GSN: variants seen among roughly 807,000 people sequenced by gnomAD.
GSN encodes the protein actin-depolymerizing factor.
Under a neutral mutation model 85.7 loss-of-function variants are expected in GSN, and 56 were observed. The ratio of observed to expected loss-of-function variants is 0.65; its 90% CI spans 0.53 to 0.82. The LOEUF is 0.82. Ranked by LOEUF, GSN falls within the 40% of genes least tolerant of loss-of-function variation. The pLI is 0.00. For synonymous variants in GSN, 373 were observed against 399.1 expected (o/e 0.93, Z 0.78); for missense variants, 857 against 979.8 (o/e 0.87, Z 1.67).
intron 1 of GSN, among the ~76,000 whole-genome samples, chr9:121,270,775 A>T (rs183909579): frequency 1.3e-5 from 2 of 152,212 alleles, no homozygotes; most frequent in South Asian, 2.1e-4. Context: ...ACTCCATGTG[A>T]ATAGTTTGGG....
chr9:121,285,618 G>T, intron 2 of GSN: 1 of 155,176 alleles, frequency 6.4e-6, no homozygotes. Flanking sequence ...GGGGCCCAGA[G>T]AGGAACAGTG....
chr9:121,233,624 G>A (rs1044736636), intron 5 of GSN, among the ~76,000 whole-genome samples: 4 of 152,074 alleles, frequency 2.6e-5, no homozygotes, highest in African/African-American at 4.8e-5. Flanking sequence ...CTGCAACCTC[G>A]TAAGAGACTC....
intron 4 of GSN, among the ~76,000 whole-genome samples, chr9:121,229,626 C>T (rs1232755760): frequency 1.3e-5 from 2 of 152,230 alleles, no homozygotes; most frequent in Admixed American, 6.5e-5. Flanking sequence ...AAATGCTATT[C>T]AGGTGATTCT....
chr9:121,231,000 C>A (rs893206967), intron 4 of GSN, among the ~76,000 whole-genome samples: 2 of 152,176 alleles, frequency 1.3e-5, no homozygotes, highest in Non-Finnish European at 2.9e-5. Flanking sequence ...TTCATGAGCA[C>A]CTACTACGTG....
intron 6 of GSN, among the ~76,000 whole-genome samples, chr9:121,259,484 G>T (rs1441169050): frequency 6.6e-6 from 1 of 152,184 alleles, no homozygotes; most frequent in African/African-American, 2.4e-5. Flanking sequence ...ATTAGGACAC[G>T]CAGTCCCAAG....
chr9:121,221,900 G>C (rs2054176823), intron 4 of GSN, among the ~76,000 whole-genome samples: 1 of 152,118 alleles, frequency 6.6e-6, no homozygotes, highest in South Asian at 2.1e-4. Context: ...CGTTATGTCA[G>C]AAAAAACAGG....
intron 2 of GSN, chr9:121,286,272 C>A: frequency 2.3e-6 from 2 of 854,930 alleles, no homozygotes; most frequent in South Asian, 1.6e-5. Flanking sequence ...CCGCTCCTGA[C>A]TCCTAGTTCA....
intron 6 of GSN, among the ~76,000 whole-genome samples, chr9:121,256,221 A>G (rs1328994617): frequency 4.6e-5 from 7 of 152,206 alleles, no homozygotes; most frequent in Admixed American, 2.0e-4. Context: ...TTTAATCTGA[A>G]GAGATTTTCT....
In GSN at chr9:121,318,604, C is replaced by A; in HGVS notation, c.976-61C>A. ...CAGTGTGGATGGGGTATCTGAGGCT[C>A]CCCTGGGGACCCCTGCTGGGCAGCC... On this transcript the variant is annotated intron_variant, in intron 9 of 17. Transcript: ENST00000432226. This position sits in a 1 kb window ranked among gnomAD's most constrained non-coding sequence, Gnocchi z 4.3. The A allele has an allele frequency of 1.4e-6, 2 of 1,478,424 alleles. No homozygotes were observed. The highest frequency in any genetic ancestry group is 1.1e-5 in the South Asian group (1 of 88,114). 91.6% of individuals were successfully genotyped at this position (1,478,424 alleles called of 1,614,324 possible).
upstream of GSN, among the ~76,000 whole-genome samples, chr9:121,206,877 C>T (rs1588390764): frequency 6.6e-6 from 1 of 152,260 alleles, no homozygotes; most frequent in East Asian, 1.9e-4. Context: ...AGCCTGGGAC[C>T]ACAGGCATGT....
chr9:121,203,322 CG>C (rs897339528), upstream of GSN: 2 of 152,242 alleles, frequency 1.3e-5, no homozygotes, highest in African/African-American at 4.8e-5. Context: ...AGGGATGAAC[CG>C]GCCCAGGTCG....
At position 121,316,841 on chromosome 9, in the gene GSN, A is replaced by T. The variant is rs979456240; in HGVS notation, c.754-245A>T. Among the ~76,000 whole-genome samples, 18 of 152,098 alleles carry T rather than the reference A, an allele frequency of 1.2e-4. 1 individual carries two copies. Among genetic ancestry groups the T allele is most frequent in the Admixed American group, 1.0e-3 (16 of 15,270 alleles). ...ACTATGCAGTTCCCCTCTGCACCCA[A>T]TTCCCCAAATTTTATCCCGCCCTCC... On this transcript the variant is annotated intron_variant, in intron 7 of 17. Coordinates refer to ENST00000432226, the MANE Select transcript of GSN (RefSeq NM_198252.3).
intron 2 of GSN, among the ~76,000 whole-genome samples, chr9:121,289,264 C>T (rs560515284): frequency 7.2e-5 from 11 of 152,234 alleles, no homozygotes; most frequent in East Asian, 1.9e-4. Flanking sequence ...AGTAACCCCC[C>T]GCCATCCCAT....
At position 121,318,564 on chromosome 9, in the gene GSN, C is replaced by T. The variant is rs944476237; in HGVS notation, c.975+70C>T. The T allele has an allele frequency of 2.0e-4, 290 of 1,459,946 alleles. 1 individual carries two copies. Among genetic ancestry groups the T allele is most frequent in the Middle Eastern group, 1.4e-3 (8 of 5,774 alleles). 90.4% of individuals were successfully genotyped at this position (1,459,946 alleles called of 1,614,324 possible). A position where few individuals can be genotyped will look rare whatever the true frequency, so the allele number is the denominator to read the frequency against. On this transcript the variant is annotated intron_variant, in intron 9 of 17. Coordinates refer to ENST00000432226, the MANE Select transcript of GSN (RefSeq NM_198252.3). The surrounding 1 kb of genome is among the most constrained non-coding windows in gnomAD (Gnocchi z 4.3). Reference sequence around the variant, plus strand: ...TTGGAGGGGATGGGCTGGAGTAGGGCGGGTGTCCCACCCTCAGTGTGGATG... The same window carrying T: ...TTGGAGGGGATGGGCTGGAGTAGGGTGGGTGTCCCACCCTCAGTGTGGATG...
chr9:121,227,009 C>T lies in GSN; in HGVS notation c.-527-4156C>T, dbSNP rs138458855. Among the ~76,000 whole-genome samples, 577 of 152,310 alleles carry T rather than the reference C, an allele frequency of 3.8e-3. 3 individuals are homozygous for T. The highest frequency in any genetic ancestry group is 0.013 in the African/African-American group (541 of 41,562). On this transcript the variant is annotated intron_variant, in intron 4 of 24. Transcript: ENST00000373823. ...GTGGTGCACCCCAACTCTATGGGGA[C>T]AGAAGCTCCTGCAATCAGCACCTCT...
intron 4 of GSN, among the ~76,000 whole-genome samples, chr9:121,307,852 C>T (rs544712857): frequency 2.0e-5 from 3 of 152,118 alleles, no homozygotes; most frequent in Admixed American, 6.5e-5. Context: ...TGTCTTTCTG[C>T]GCTTCCCCTG....
At chr9:121,256,290 G>A (rs894929584) in intron 6 of GSN, among the ~76,000 whole-genome samples, 4 of 152,114 alleles carry the variant, frequency 2.6e-5, no homozygotes, top group Non-Finnish European at 5.9e-5. Flanking sequence ...ATTACCTATA[G>A]GAGTAAGGAG....
intron 2 of GSN, among the ~76,000 whole-genome samples, chr9:121,291,774 C>T (rs925474664): frequency 5.3e-5 from 8 of 152,002 alleles, no homozygotes; most frequent in Non-Finnish European, 8.8e-5. Context: ...CTGGTGAGTC[C>T]GTGAGATAAT....
intron 6 of GSN, among the ~76,000 whole-genome samples, chr9:121,250,094 G>A (rs2054786507): frequency 6.6e-6 from 1 of 151,892 alleles, no homozygotes; most frequent in South Asian, 2.1e-4. Context: ...AGCTCTGGTC[G>A]TACTTTCATA....
Sources: allele counts gnomAD v4.1 joint callset (sites outside exome capture counted in the v4.1 genomes callset), GRCh38; gene constraint gnomAD v4.1.1; non-coding constraint Gnocchi (gnomAD v3.1); transcripts MANE v1.5; gene names NCBI Gene and HGNC (gene_info 2026-07-23, HGNC 2026-07-21).